The following AGAP5 variants were observed in gnomAD, a reference collection of about 807,000 sequenced individuals.
The protein encoded by AGAP5 is ArfGAP with GTPase domain, ankyrin repeat and PH domain 5, also known as arf-GAP with GTPase, ANK repeat and PH domain-containing protein 5.
In AGAP5, 8 loss-of-function variants were observed where a neutral mutation model predicts 27.7. That is an observed-to-expected ratio of 0.29 (90% CI 0.17 to 0.52). AGAP5 has a LOEUF of 0.52. AGAP5 is among the 20% of genes least tolerant of loss of function. AGAP5 has a pLI of 0.97. For synonymous variants in AGAP5, 111 were observed against 338.0 expected, an observed-to-expected ratio of 0.33 and a Z score of 7.37; for missense variants, 285 against 880.8, an observed-to-expected ratio of 0.32 and a Z score of 8.56.
At chr10:73,694,487 C>T (rs1181020831) in intron 3 of AGAP5, among the ~76,000 whole-genome samples, 1 of 152,162 alleles carries the variant, frequency 6.6e-6, no homozygotes, top group Non-Finnish European at 1.5e-5. Flanking sequence ...AAATCCATGA[C>T]TCCTCCATCA....
intron 4 of AGAP5, among the ~76,000 whole-genome samples, chr10:73,690,916 A>G (rs2082112233): frequency 6.6e-6 from 1 of 152,248 alleles, no homozygotes; most frequent in Non-Finnish European, 1.5e-5. Context: ...ACAAAAGGCC[A>G]AAGAAAGTTG....
intron 4 of AGAP5, among the ~76,000 whole-genome samples, chr10:73,687,786 A>G (rs1175626658): frequency 1.3e-5 from 2 of 152,244 alleles, no homozygotes; most frequent in Non-Finnish European, 2.9e-5. Context: ...CTCATTAGTC[A>G]TAAAATAAAG....
At chr10:73,687,736 A>G (rs1459788418) in intron 4 of AGAP5, among the ~76,000 whole-genome samples, 2 of 152,210 alleles carry the variant, frequency 1.3e-5, no homozygotes, top group Non-Finnish European at 2.9e-5. Context: ...ATTAAATATA[A>G]TAGATTGACC....
In AGAP5 at chr10:73,697,738, G is replaced by A. The variant is rs760188643; in HGVS notation, c.18C>T (p.Thr6=). Residue 6 remains threonine, a synonymous_variant, in exon 1 of 8, where the codon ACC becomes ACT. Transcript: ENST00000374094. MGNIL[T]CCVHPSVSLE... ...GGCTGACGCTAGGGTGCACACAACAGGTCAGTATGTTCCCCATGGGGCGCC... is the reference window on the plus strand; with the variant it reads ...GGCTGACGCTAGGGTGCACACAACAAGTCAGTATGTTCCCCATGGGGCGCC... 6 of 1,597,736 alleles carry A rather than the reference G, an allele frequency of 3.8e-6. No individual in the cohort carries two copies. The South Asian group carries it at 6.6e-5, about 18-fold the overall frequency.
chr10:73,694,057 T>G (rs1014441690), intron 3 of AGAP5, among the ~76,000 whole-genome samples: 2 of 152,216 alleles, frequency 1.3e-5, no homozygotes, highest in Non-Finnish European at 2.9e-5. Context: ...CATATTATTA[T>G]AGAACCCTCA....
chr10:73,693,713 A>G (rs1231294569), intron 3 of AGAP5, among the ~76,000 whole-genome samples: 1 of 151,538 alleles, frequency 6.6e-6, no homozygotes, highest in Non-Finnish European at 1.5e-5. Context: ...AAAAAAAAAA[A>G]AAGAGTGTGG....
chr10:73,679,054 T>C (rs1229067682), intron 6 of AGAP5, among the ~76,000 whole-genome samples: 1 of 146,954 alleles, frequency 6.8e-6, no homozygotes, highest in South Asian at 2.2e-4. Context: ...GGTTTTACCA[T>C]GTTGGTCGGG....
chr10:73,693,666 T>G (rs2082137362), intron 3 of AGAP5, among the ~76,000 whole-genome samples: 1 of 146,346 alleles, frequency 6.8e-6, no homozygotes, highest in African/African-American at 2.6e-5. Flanking sequence ...GCCACTGCAC[T>G]CCAGCCTGGG....
At chr10:73,692,560 T>C (rs1187443956) in intron 3 of AGAP5, among the ~76,000 whole-genome samples, 1 of 151,816 alleles carries the variant, frequency 6.6e-6, no homozygotes, top group African/African-American at 2.4e-5. Context: ...AGTGGTTATC[T>C]ACTAATATGT....
chr10:73,694,898 C>G (rs1186042798), intron 2 of AGAP5, 94 bp from the exon 3 acceptor site: 1 of 1,592,488 alleles, frequency 6.3e-7, no homozygotes, highest in Non-Finnish European at 8.5e-7. Flanking sequence ...GGCTATTTCA[C>G]TATCTCTACT....
chr10:73,697,507 G>A, intron 1 of AGAP5, 26 bp downstream of exon 1: 1 of 1,610,718 alleles, frequency 6.2e-7, no homozygotes, highest in Non-Finnish European at 8.5e-7. Context: ...CAAACCGAGG[G>A]TAGATGGCAC....
At chr10:73,697,069 C>T (rs1430443358) in intron 2 of AGAP5, 26 bp downstream of exon 2, 1 of 1,597,190 alleles carries the variant, frequency 6.3e-7, no homozygotes, top group East Asian at 2.2e-5. Context: ...GGATAATAAA[C>T]AGAGCTACAG....
chr10:73,692,096 A>G lies in AGAP5; in HGVS notation c.362-19T>C. The G allele has an allele frequency of 6.5e-7, 1 of 1,537,816 alleles. No homozygotes were observed. Among genetic ancestry groups the G allele is most frequent in the South Asian group, 1.2e-5 (1 of 85,330 alleles). ...TCTACAACTAAGAATAAAAAAAAAA[A>G]CTGGTCACTTCTGATACAAATACCA... On this transcript the variant is annotated intron_variant, in intron 3 of 7. Transcript: ENST00000374094.
intron 4 of AGAP5, among the ~76,000 whole-genome samples, chr10:73,685,840 C>T (rs1464590698): frequency 6.6e-6 from 1 of 152,080 alleles, no homozygotes; most frequent in African/African-American, 2.4e-5. Context: ...TGTGAGCCAC[C>T]GTGCCTGGCC....
intron 1 of AGAP5, 101 bp downstream of exon 1, chr10:73,697,432 A>G (rs75321688): frequency 1.3e-6 from 2 of 1,596,766 alleles, no homozygotes; most frequent in South Asian, 1.1e-5. Context: ...GCTGGCTACA[A>G]GCAGAAAGGA....
chr10:73,694,275 C>T (rs3878054), intron 3 of AGAP5, among the ~76,000 whole-genome samples: 39 of 152,216 alleles, frequency 2.6e-4, no homozygotes, highest in African/African-American at 3.6e-4. Flanking sequence ...CAGAGGTCTG[C>T]GTAAGAGGAG....
intron 6 of AGAP5, among the ~76,000 whole-genome samples, chr10:73,677,376 CTTTTTTTT>C (rs3998276): frequency 3.1e-5 from 1 of 32,466 alleles, no homozygotes; most frequent in Non-Finnish European, 6.5e-5. Context: ...CATAACTGTT[CTTTTTTTT>C]TTTTTTTTTT....
rs2081971589 is a variant in AGAP5 at position 73,675,592 on chromosome 10, G to A, written c.1068C>T (p.Ser356=). Residue 356 remains serine (S), a synonymous_variant, in exon 8 of 8, where the codon TCC becomes TCT. Coordinates refer to ENST00000374094, the MANE Select transcript of AGAP5 (RefSeq NM_001144000.4). ...SLATSACAPI[S]SSKSNGLSKD... is the part of the protein sequence containing the mutation. ...TGGATAGGCCATTGCTTTTAGAGCT[G>A]GAGATGGGTGCACAGGCCGATGTGG... is the stretch of plus-strand genomic sequence containing the variant. The A allele has an allele frequency of 6.2e-7, 1 of 1,614,164 alleles. No homozygotes were observed. Among genetic ancestry groups the A allele is most frequent in the African/African-American group, 1.3e-5 (1 of 74,960 alleles).
At chr10:73,683,367 AAAAG>A (rs2082039149) in intron 4 of AGAP5, among the ~76,000 whole-genome samples, 2 of 97,184 alleles carry the variant, frequency 2.1e-5, no homozygotes, top group East Asian at 2.4e-4. Flanking sequence ...AAAAAAAAAA[AAAAG>A]AAAGAAAAGT....
Sources: gnomAD v4.1 joint callset for allele counts (sites outside exome capture counted in the v4.1 genomes callset) on GRCh38, gnomAD v4.1.1 for gene constraint, MANE v1.5 for transcripts, NCBI Gene and HGNC (gene_info 2026-07-23, HGNC 2026-07-21) for gene names.